Variants in ANXA2 observed in about 807,000 individuals in gnomAD.
The protein encoded by ANXA2 is annexin A2.
ANXA2 carries 28 observed loss-of-function variants against 47.3 expected under a neutral mutation model. The ratio of observed to expected loss-of-function variants is 0.59; its 90% CI spans 0.44 to 0.81. The LOEUF is 0.81. Ranked by LOEUF, ANXA2 falls within the 40% of genes least tolerant of loss-of-function variation. The pLI, the probability that ANXA2 is intolerant of heterozygous loss-of-function variation, is 0.00. For missense variants in ANXA2, 384 were observed against 414.3 expected (o/e 0.93, Z 0.64); for synonymous variants, 172 against 155.5 (o/e 1.11, Z -0.79).
At chr15:60,348,917 C>CT (rs983212511) in intron 12 of ANXA2, among the ~76,000 whole-genome samples, 158 bp downstream of exon 12, 5 of 152,104 alleles carry the variant, frequency 3.3e-5, no homozygotes, top group Non-Finnish European at 7.4e-5. Context: ...ACAAATGGTG[C>CT]TTTCAAAATA....
intron 6 of ANXA2, among the ~76,000 whole-genome samples, chr15:60,356,547 T>A (rs1327771713): frequency 1.3e-5 from 2 of 152,228 alleles, no homozygotes; most frequent in East Asian, 3.8e-4. Flanking sequence ...AGGTGATGGA[T>A]ATCTCAATTA....
chr15:60,390,178 C>T, intron 1 of ANXA2: 1 of 708,270 alleles, frequency 1.4e-6, no homozygotes. Flanking sequence ...AAAAACAAAA[C>T]ACAAACATCA....
chr15:60,347,820 C>A, intron 12 of ANXA2, 131 bp from the exon 13 acceptor site: 1 of 809,114 alleles, frequency 1.2e-6, no homozygotes. Flanking sequence ...AGGAGACCTG[C>A]CCTGATACAA....
intron 5 of ANXA2, among the ~76,000 whole-genome samples, chr15:60,359,578 A>G (rs561360365): frequency 6.6e-6 from 1 of 152,348 alleles, no homozygotes; most frequent in Admixed American, 6.5e-5. Flanking sequence ...CTGAAGAACT[A>G]AAGGAAGAAA....
intron 1 of ANXA2, chr15:60,393,155 G>A: frequency 1.6e-6 from 2 of 1,264,650 alleles, no homozygotes; most frequent in Non-Finnish European, 2.0e-6. Flanking sequence ...CGATCAAACT[G>A]AGCAGGAGGG....
At chr15:60,364,847 G>A (rs970984124) in intron 3 of ANXA2, among the ~76,000 whole-genome samples, 4 of 151,594 alleles carry the variant, frequency 2.6e-5, no homozygotes, top group African/African-American at 9.7e-5. Flanking sequence ...GCAGTCAGAT[G>A]GAACAACAGA....
chr15:60,355,786 C>T (rs755788139), intron 7 of ANXA2, 133 bp downstream of exon 7: 8 of 808,384 alleles, frequency 9.9e-6, no homozygotes, highest in African/African-American at 1.7e-5. Context: ...ACAGTGCAAA[C>T]CCACTTTCAA....
chr15:60,397,142 C>A (rs924187831), intron 1 of ANXA2: 7 of 416,592 alleles, frequency 1.7e-5, no homozygotes, highest in Non-Finnish European at 2.3e-5. Flanking sequence ...CACAGAGCGG[C>A]CAGAAGGGAG....
At chr15:60,347,807 T>A in intron 12 of ANXA2, 118 bp from the exon 13 acceptor site, 1 of 896,810 alleles carries the variant, frequency 1.1e-6, no homozygotes, top group Non-Finnish European at 1.8e-6. Context: ...GAGAAGACTC[T>A]GCAGGAGACC....
intron 1 of ANXA2, chr15:60,394,462 G>A (rs1287258921): frequency 6.6e-6 from 1 of 152,506 alleles, no homozygotes; most frequent in Admixed American, 6.5e-5. Context: ...AGTTTGGGAA[G>A]CCGAGACAGG....
At chr15:60,351,940 G>A in intron 9 of ANXA2, 121 bp from the exon 10 acceptor site, 1 of 703,426 alleles carries the variant, frequency 1.4e-6, no homozygotes, top group Non-Finnish European at 2.5e-6. Flanking sequence ...CAGCATCCTA[G>A]GAGCTTAGAG....
intron 5 of ANXA2, among the ~76,000 whole-genome samples, chr15:60,358,819 G>A (rs1279443286): frequency 6.6e-6 from 1 of 152,212 alleles, no homozygotes; most frequent in Non-Finnish European, 1.5e-5. Flanking sequence ...CACACAGTGG[G>A]AGAAATGTTA....
intron 3 of ANXA2, among the ~76,000 whole-genome samples, chr15:60,368,074 G>C (rs1422085376): frequency 4.5e-5 from 6 of 132,730 alleles, no homozygotes; most frequent in Non-Finnish European, 8.0e-5. Context: ...GATTAAGGGC[G>C]GTGCAAGATG....
chr15:60,386,820 A>G (rs891105960), intron 1 of ANXA2: 1 of 152,206 alleles, frequency 6.6e-6, no homozygotes, highest in African/African-American at 2.4e-5. Context: ...GATACACCCA[A>G]TCCCTGCCAA....
intron 3 of ANXA2, among the ~76,000 whole-genome samples, chr15:60,377,904 A>ATTT (rs778432300): frequency 2.6e-5 from 4 of 152,106 alleles, no homozygotes; most frequent in Non-Finnish European, 5.9e-5. Flanking sequence ...CCTGGCCAAC[A>ATTT]TGGTTAAACC....
At chr15:60,380,231 T>C (rs924699579) in intron 3 of ANXA2, among the ~76,000 whole-genome samples, 7 of 152,308 alleles carry the variant, frequency 4.6e-5, no homozygotes, top group African/African-American at 1.4e-4. Context: ...TGCTTCATAC[T>C]TTACAACAAT....
Position 60,352,349 on chromosome 15 carries a change from C to T in ANXA2, c.682+34G>A. Reference sequence around the variant, plus strand: ...CACCCAGCCGCCCCAGCCAGGGCCCCAAGGCACTGAGACTCCCTCAGCACA... The same window carrying T: ...CACCCAGCCGCCCCAGCCAGGGCCCTAAGGCACTGAGACTCCCTCAGCACA... On this transcript the variant is annotated intron_variant, in intron 9 of 12. Coordinates refer to ENST00000451270, the MANE Select transcript of ANXA2 (RefSeq NM_004039.3). The surrounding 1 kb of genome is among the most constrained non-coding windows in gnomAD (Gnocchi z 4.2). 6.6e-7 allele frequency: 1 copy of T among 1,520,148 alleles called. No individual in the cohort carries two copies. Among genetic ancestry groups the T allele is most frequent in the Admixed American group, 1.7e-5 (1 of 57,260 alleles). The allele number at this position is 1,520,148 out of a possible 1,614,324, so 94.2% of individuals were successfully genotyped here.
chr15:60,372,016 G>A (rs2062717201), intron 3 of ANXA2, among the ~76,000 whole-genome samples: 1 of 152,112 alleles, frequency 6.6e-6, no homozygotes, highest in East Asian at 1.9e-4. Context: ...AGGCTTGGTG[G>A]CACATGCGTG....
Position 60,349,189 on chromosome 15 carries a change from C to A in ANXA2, c.846G>T (p.Gly282=). ...TTCTGATCAGGACCTTATCTCGCGTCCCCTTGCCCTGAAAATCAAGTTGAT... is the reference window on the plus strand; with the variant it reads ...TTCTGATCAGGACCTTATCTCGCGTACCCTTGCCCTGAAAATCAAGTTGAT... ...DRLYDSMKGK[G]TRDKVLIRIM... Residue 282 remains glycine, a synonymous_variant, in exon 12 of 13, where the codon GGG becomes GGT. Coordinates refer to ENST00000451270, the MANE Select transcript of ANXA2 (RefSeq NM_004039.3). 12 of 1,613,936 alleles carry A rather than the reference C, an allele frequency of 7.4e-6. No homozygotes were observed. Among genetic ancestry groups the A allele is most frequent in the Non-Finnish European group, 1.0e-5 (12 of 1,179,868 alleles).
Sources: allele counts gnomAD v4.1 joint callset (sites outside exome capture counted in the v4.1 genomes callset), GRCh38; gene constraint gnomAD v4.1.1; non-coding constraint Gnocchi (gnomAD v3.1); transcripts MANE v1.5; gene names NCBI Gene and HGNC (gene_info 2026-07-23, HGNC 2026-07-21).